Variants in ABCC5 observed in about 807,000 individuals in gnomAD.
ABCC5 encodes ATP-binding cassette sub-family C member 5.
ABCC5 carries 61 observed loss-of-function variants against 160.9 expected under a neutral mutation model. The observed-to-expected ratio is 0.38, with a 90% CI of 0.31 to 0.47. The LOEUF is 0.47. Among genes scored for constraint, ABCC5 ranks in the 20% least tolerant of loss-of-function variants. The pLI, the probability that ABCC5 is intolerant of heterozygous loss-of-function variation, is 0.99. For missense variants in ABCC5, 1,308 were observed against 1,813.3 expected (o/e 0.72, Z 5.06); for synonymous variants, 666 against 700.6 (o/e 0.95, Z 0.78).
At position 183,961,004 on chromosome 3, in the gene ABCC5, G is replaced by T. The variant is rs137967643; in HGVS notation, c.2379+507C>A. 3.9e-4 allele frequency among the ~76,000 whole-genome samples: 60 copies of T among 152,148 alleles called. No homozygotes were observed. The East Asian group carries it at 6.0e-3, about 15-fold the overall frequency. On this transcript the variant is annotated intron_variant, in intron 16 of 29. Transcript: ENST00000334444. ...GTTTCTCTCTATGTTGCCCAAGCTG[G>T]TGTCGAATTCCTGGGCGCAAGCAAT... is the stretch of plus-strand genomic sequence containing the variant.
intron 18 of ABCC5, among the ~76,000 whole-genome samples, chr3:183,952,823 G>A (rs1715503618): frequency 6.6e-6 from 1 of 152,130 alleles, no homozygotes; most frequent in Non-Finnish European, 1.5e-5. Flanking sequence ...CTGTAGCAGT[G>A]CAAAAATGGA....
At chr3:183,924,295 C>T (rs775596512) in intron 29 of ABCC5, among the ~76,000 whole-genome samples, 1 of 152,186 alleles carries the variant, frequency 6.6e-6, no homozygotes, top group Non-Finnish European at 1.5e-5. Context: ...GCTGGGATTA[C>T]AGGCATGAGC....
chr3:183,965,615 T>G, intron 12 of ABCC5, 114 bp from the exon 13 acceptor site: 1 of 1,413,028 alleles, frequency 7.1e-7, no homozygotes, highest in Non-Finnish European at 9.6e-7. Context: ...CGGGATGCTT[T>G]TTGGACCCAA....
At chr3:183,958,700 C>T (rs376502377) in intron 17 of ABCC5, among the ~76,000 whole-genome samples, 33 of 151,734 alleles carry the variant, frequency 2.2e-4, no homozygotes, top group African/African-American at 8.0e-4. Flanking sequence ...CAGGCTGGAG[C>T]GCAGTGGCTC....
chr3:183,935,947 T>C (rs972796757), intron 26 of ABCC5, among the ~76,000 whole-genome samples: 1 of 152,198 alleles, frequency 6.6e-6, no homozygotes, highest in African/African-American at 2.4e-5. Flanking sequence ...CTCTAGGGTG[T>C]TGACACTACA....
chr3:183,969,983 C>T (rs539861409), intron 11 of ABCC5, among the ~76,000 whole-genome samples: 33 of 152,230 alleles, frequency 2.2e-4, no homozygotes, highest in Non-Finnish European at 4.0e-4. Flanking sequence ...TCTAAGACAT[C>T]CTCATCTTTC....
At chr3:183,941,481 G>A (rs565472621) in intron 25 of ABCC5, among the ~76,000 whole-genome samples, 201 of 151,040 alleles carry the variant, frequency 1.3e-3, no homozygotes, top group Admixed American at 3.5e-3. Flanking sequence ...TTCTTCCTTA[G>A]AAAGTTCTTT....
At position 183,927,065 on chromosome 3, in the gene ABCC5, T is replaced by C. The variant is rs111666830; in HGVS notation, c.4047+265A>G. ...TCTCAAAAAAAAAAAAAATCTTCTA[T>C]GTCTATGGTTTGCAGTCGTACAACT... On this transcript the variant is annotated intron_variant, in intron 28 of 29. Transcript: ENST00000334444. 6.3e-3 allele frequency among the ~76,000 whole-genome samples: 953 copies of C among 152,004 alleles called. 10 individuals are homozygous for C. The highest frequency in any genetic ancestry group is 0.022 in the African/African-American group (906 of 41,474).
At chr3:183,971,069 T>C (rs895232326) in intron 11 of ABCC5, among the ~76,000 whole-genome samples, 1 of 152,210 alleles carries the variant, frequency 6.6e-6, no homozygotes, top group Admixed American at 6.5e-5. Context: ...TAGGAGGCCC[T>C]CTGAGACTAA....
At chr3:183,927,522 G>C (rs1052644189) in intron 27 of ABCC5, 79 bp from the exon 28 acceptor site, 2 of 1,522,998 alleles carry the variant, frequency 1.3e-6, no homozygotes, top group African/African-American at 2.8e-5. Flanking sequence ...AGAAAGAAAT[G>C]ATTCTGAAAG....
In ABCC5 at chr3:183,987,424, A is replaced by C; in HGVS notation, c.591+346T>G. 1.8e-6 allele frequency: 1 copy of C among 541,590 alleles called. No individual in the cohort carries two copies. Among genetic ancestry groups the C allele is most frequent in the African/African-American group, 1.9e-5 (1 of 52,984 alleles). The allele number at this position is 541,590 out of a possible 1,614,324, so 33.5% of individuals were successfully genotyped here. A position where few individuals can be genotyped will look rare whatever the true frequency, so the allele number is the denominator to read the frequency against. ...GCTGGCTCACCAGCCCGGGCCACAC[A>C]ACGTGCTCTCACCCACTCATAGCAC... On this transcript the variant is annotated intron_variant, in intron 5 of 29. Transcript: ENST00000334444. The surrounding 1 kb of genome is among the most constrained non-coding windows in gnomAD (Gnocchi z 4.2).
Position 183,942,919 on chromosome 3 carries a change from G to A in ABCC5, c.3505-3C>T. 2 of 1,607,480 alleles carry A rather than the reference G, an allele frequency of 1.2e-6. No individual in the cohort carries two copies. The highest frequency in any genetic ancestry group is 1.7e-6 in the Non-Finnish European group (2 of 1,176,030). ...GCAGGTGCTTCCAAGGACAGAGTCT[G>A]GGGAGACAAGGGTGGCCAGTTCAGA... On this transcript the variant is annotated splice_region_variant and splice_polypyrimidine_tract_variant and intron_variant, in intron 24 of 29. Coordinates refer to ENST00000334444, the MANE Select transcript of ABCC5 (RefSeq NM_005688.4).
At chr3:183,985,721 C>T in intron 5 of ABCC5, 1 of 360,644 alleles carries the variant, frequency 2.8e-6, no homozygotes, top group South Asian at 2.4e-5. Flanking sequence ...CAGGACCACA[C>T]TGTTAGAGAT....
chr3:183,953,511 G>C (rs1246562404), intron 17 of ABCC5, among the ~76,000 whole-genome samples: 2 of 152,088 alleles, frequency 1.3e-5, no homozygotes, highest in Non-Finnish European at 2.9e-5. Context: ...CACCCCTAGG[G>C]ACCTGGCTGA....
At chr3:183,948,256 AT>A (rs1440503124) in intron 22 of ABCC5, among the ~76,000 whole-genome samples, 39 of 152,242 alleles carry the variant, frequency 2.6e-4, no homozygotes, top group African/African-American at 7.7e-4. Flanking sequence ...TTTAGAGAAA[AT>A]TTAGAAAATG....
chr3:183,945,892 TTC>T lies in ABCC5; in HGVS notation c.3460_3461del (p.Glu1154SerfsTer14). Reference sequence around the variant, plus strand: ...TCCTCTCCACCGAGGTGAATCGAGCTTCTGTCTCAGATGCCAGTCTGACCGTA... The same window carrying T: ...TCCTCTCCACCGAGGTGAATCGAGCTTGTCTCAGATGCCAGTCTGACCGTA... ...QFTVRLASET[E>X]ARFTSVERIN... is the part of the protein sequence containing the mutation. On this transcript the variant is annotated frameshift_variant, in exon 24 of 30. Transcript: ENST00000334444. LOFTEE classifies it high-confidence loss of function. 1 of 1,614,190 alleles carries T rather than the reference TTC, an allele frequency of 6.2e-7. No homozygotes were observed. Among genetic ancestry groups the T allele is most frequent in the South Asian group, 1.1e-5 (1 of 91,084 alleles).
intron 2 of ABCC5, 74 bp from the exon 3 acceptor site, chr3:183,989,457 C>G: frequency 6.6e-7 from 1 of 1,507,330 alleles, no homozygotes; most frequent in Non-Finnish European, 9.0e-7. Context: ...ACTGATGAAA[C>G]AGCTCAAACT....
Position 183,982,404 on chromosome 3 carries a change from A to C in ABCC5, c.999+47T>G. ...TACTATAACCCAATGGAAGTAACTC[A>C]TCTCCTAAGGAGAAGCTGCCAGGAT... is the stretch of plus-strand genomic sequence containing the variant. On this transcript the variant is annotated intron_variant, in intron 7 of 29. Transcript: ENST00000334444. This position sits in a 1 kb window ranked among gnomAD's most constrained non-coding sequence, Gnocchi z 5.2. The C allele has an allele frequency of 6.3e-7, 1 of 1,585,468 alleles. No individual in the cohort carries two copies. Among genetic ancestry groups the C allele is most frequent in the South Asian group, 1.1e-5 (1 of 86,970 alleles).
intron 26 of ABCC5, among the ~76,000 whole-genome samples, chr3:183,932,917 C>T (rs1282028684): frequency 1.3e-5 from 2 of 152,110 alleles, no homozygotes; most frequent in Non-Finnish European, 2.9e-5. Flanking sequence ...GTAATCCCAG[C>T]ACTTTGGAAG....
Sources: gnomAD v4.1 joint callset for allele counts (sites outside exome capture counted in the v4.1 genomes callset) on GRCh38, gnomAD v4.1.1 for gene constraint, Gnocchi (gnomAD v3.1) non-coding constraint, MANE v1.5 for transcripts, NCBI Gene and HGNC (gene_info 2026-07-23, HGNC 2026-07-21) for gene names.